LYRM4: variants seen among roughly 807,000 people sequenced by gnomAD.
LYRM4 encodes LYR motif-containing protein 4.
A neutral mutation model predicts 11.7 loss-of-function variants in LYRM4; 9 were observed. That is an observed-to-expected ratio of 0.77 (90% confidence interval 0.46 to 1.34). The LOEUF (loss-of-function observed/expected upper bound fraction) is 1.34. LYRM4 is among the 40% of genes most tolerant of loss of function. The probability of loss-of-function intolerance (pLI) is 0.00; values close to 1 mark genes in which losing one functional copy is unlikely to be tolerated. For missense variants in LYRM4, 133 were observed against 112.5 expected (o/e 1.18, Z -0.82); for synonymous variants, 42 against 40.4 (o/e 1.04, Z -0.15).
intron 2 of LYRM4, among the ~76,000 whole-genome samples, chr6:5,128,005 T>C (rs1000172279): frequency 5.9e-5 from 9 of 152,210 alleles, no homozygotes; most frequent in Admixed American, 6.5e-5. Flanking sequence ...AATGGAGACA[T>C]CCTGCCGAAT....
At position 5,194,062 on chromosome 6, in the gene LYRM4, G is replaced by T. The variant is rs1434646264; in HGVS notation, c.207+22556C>A. ...TTCTCCAGAGAAACAGAACCAACAG[G>T]GTGTGTGTGGGGGGGTGGGGGGTGG... is the stretch of plus-strand genomic sequence containing the variant. On this transcript the variant is annotated intron_variant, in intron 2 of 2. Coordinates refer to ENST00000330636, the MANE Select transcript of LYRM4 (RefSeq NM_020408.6). Among the ~76,000 whole-genome samples the T allele has an allele frequency of 4.8e-5, 6 of 125,192 alleles. No homozygotes were observed. In the Admixed American group the frequency reaches 5.5e-4, roughly 11 times the overall value. The allele number at this position is 125,192 out of a possible 152,430, so 82.1% of individuals were successfully genotyped here.
the LYRM4 span, among the ~76,000 whole-genome samples, chr6:5,057,211 A>G: frequency 6.6e-6 from 1 of 152,128 alleles, no homozygotes; most frequent in African/African-American, 2.4e-5. Flanking sequence ...AGGCTCTAGG[A>G]GACCTGGGGG....
At chr6:5,165,388 G>A (rs1759018747) in intron 2 of LYRM4, among the ~76,000 whole-genome samples, 1 of 152,180 alleles carries the variant, frequency 6.6e-6, no homozygotes, top group South Asian at 2.1e-4. Flanking sequence ...TTACACAACT[G>A]TCCTTGTTCT....
At chr6:5,238,356 T>C (rs540807538) in intron 1 of LYRM4, among the ~76,000 whole-genome samples, 18 of 152,300 alleles carry the variant, frequency 1.2e-4, no homozygotes, top group African/African-American at 4.1e-4. Context: ...AATTTAACCA[T>C]GCTGCAGCAA....
At chr6:5,249,074 G>C (rs1005827701) in intron 1 of LYRM4, among the ~76,000 whole-genome samples, 1 of 152,186 alleles carries the variant, frequency 6.6e-6, no homozygotes, top group African/African-American at 2.4e-5. Context: ...TTTGGCAGCT[G>C]GACTACCAGT....
At chr6:5,071,670 C>G in the LYRM4 span, among the ~76,000 whole-genome samples, 10 of 151,908 alleles carry the variant, frequency 6.6e-5, no homozygotes, top group Admixed American at 6.6e-4. Context: ...CAGAGTTTTG[C>G]TCTGTCACAC....
chr6:5,198,520 C>G lies in LYRM4; in HGVS notation c.207+18098G>C, dbSNP rs138452109. Among the ~76,000 whole-genome samples, 92 of 152,312 alleles carry G rather than the reference C, an allele frequency of 6.0e-4. 1 individual carries two copies. The highest frequency in any genetic ancestry group is 5.8e-3 in the Admixed American group (89 of 15,302). ...GGCAAGGCACATTACTCTTGTCCAT[C>G]TGGAGGTCATTCTCTTCCACTGCAG... On this transcript the variant is annotated intron_variant, in intron 2 of 2. Transcript: ENST00000330636.
In LYRM4 at chr6:5,119,553, G is replaced by A. The variant is rs112057428; in HGVS notation, c.208-10062C>T. Reference sequence around the variant, plus strand: ...TGTGATCCCACCACTTTGGGAGGCTGAGGCGGGCGGATCACTTGTGGCCAG... The same window carrying A: ...TGTGATCCCACCACTTTGGGAGGCTAAGGCGGGCGGATCACTTGTGGCCAG... On this transcript the variant is annotated intron_variant, in intron 2 of 2. Coordinates refer to ENST00000330636, the MANE Select transcript of LYRM4 (RefSeq NM_020408.6). Among the ~76,000 whole-genome samples the A allele has an allele frequency of 8.0e-3, 1,220 of 152,198 alleles. 8 individuals are homozygous for A. The highest frequency in any genetic ancestry group is 0.026 in the African/African-American group (1,097 of 41,554).
the LYRM4 span, among the ~76,000 whole-genome samples, chr6:5,044,782 T>C: frequency 6.6e-5 from 10 of 152,200 alleles, no homozygotes; most frequent in African/African-American, 1.9e-4. Context: ...GAAGAAACAC[T>C]AGCAGTCTGC....
chr6:5,254,946 T>G (rs1252451642), intron 1 of LYRM4, among the ~76,000 whole-genome samples: 1 of 152,158 alleles, frequency 6.6e-6, no homozygotes, highest in Non-Finnish European at 1.5e-5. Flanking sequence ...TTCTGATTCA[T>G]GTCTCAACCC....
chr6:5,063,426 T>TA, the LYRM4 span, among the ~76,000 whole-genome samples: 17,564 of 152,088 alleles, frequency 0.12, 1,100 homozygotes, highest in Admixed American at 0.17. Flanking sequence ...ACCCCCATCC[T>TA]ACCTGGCCCC....
rs139675951 is a variant in LYRM4 at position 5,200,315 on chromosome 6, G to A, written c.207+16303C>T. 1.2e-4 allele frequency among the ~76,000 whole-genome samples: 18 copies of A among 152,216 alleles called. No homozygotes were observed. The East Asian group carries it at 3.5e-3, about 29-fold the overall frequency. On this transcript the variant is annotated intron_variant, in intron 2 of 2. Coordinates refer to ENST00000330636, the MANE Select transcript of LYRM4 (RefSeq NM_020408.6). ...CCTCAGATGAGGACTCCACTCTCGA[G>A]GACATGTCTCTGGTATTCTTTTGGC...
At chr6:5,155,434 G>T (rs1019125188) in intron 2 of LYRM4, among the ~76,000 whole-genome samples, 22 of 152,246 alleles carry the variant, frequency 1.4e-4, no homozygotes, top group African/African-American at 5.3e-4. Context: ...TTCAGAGTCC[G>T]TCTTTACTAG....
At chr6:5,054,449 A>AT in the LYRM4 span, 2 of 153,780 alleles carry the variant, frequency 1.3e-5, no homozygotes, top group Non-Finnish European at 2.9e-5. Context: ...ACAACACCAA[A>AT]TCCTAAGCCT....
At chr6:5,231,515 G>C (rs1763241370) in intron 1 of LYRM4, among the ~76,000 whole-genome samples, 1 of 152,194 alleles carries the variant, frequency 6.6e-6, no homozygotes, top group Non-Finnish European at 1.5e-5. Flanking sequence ...TCTGAATGCT[G>C]TATGTAGATT....
chr6:5,114,509 C>T (rs1418847499), intron 2 of LYRM4, among the ~76,000 whole-genome samples: 2 of 152,110 alleles, frequency 1.3e-5, no homozygotes, highest in Non-Finnish European at 1.5e-5. Flanking sequence ...GATCTGTGCC[C>T]CGTGGCAAGT....
intron 1 of LYRM4, among the ~76,000 whole-genome samples, chr6:5,253,072 T>A (rs1764507934): frequency 6.6e-6 from 1 of 152,220 alleles, no homozygotes; most frequent in Non-Finnish European, 1.5e-5. Flanking sequence ...GCTTGTAATG[T>A]TTTACCCTTA....
At chr6:5,167,219 A>G (rs756802629) in intron 2 of LYRM4, among the ~76,000 whole-genome samples, 6 of 152,224 alleles carry the variant, frequency 3.9e-5, no homozygotes, top group African/African-American at 9.7e-5. Context: ...TAATATACGC[A>G]AGGGATAAAA....
intron 2 of LYRM4, chr6:5,132,970 T>A (rs1764023830): frequency 1.3e-5 from 2 of 152,354 alleles, no homozygotes; most frequent in South Asian, 2.1e-4. Context: ...GCTGAGATTC[T>A]ACGGGTATGA....
Sources: gnomAD v4.1 joint callset for allele counts (sites outside exome capture counted in the v4.1 genomes callset) on GRCh38, gnomAD v4.1.1 for gene constraint, MANE v1.5 for transcripts, NCBI Gene and HGNC (gene_info 2026-07-23, HGNC 2026-07-21) for gene names.